MED12L: variants seen among roughly 807,000 people sequenced by gnomAD.
The protein encoded by MED12L is mediator complex subunit 12L, also known as mediator of RNA polymerase II transcription subunit 12-like protein.
In MED12L, 60 loss-of-function variants were observed where a neutral mutation model predicts 281.3. The ratio of observed to expected loss-of-function variants is 0.21; its 90% CI spans 0.17 to 0.26. MED12L has a LOEUF of 0.26. MED12L is among the 10% of genes least tolerant of loss of function. The pLI is 1.00. For synonymous variants in MED12L, 974 were observed against 987.2 expected (o/e 0.99, Z 0.25); for missense variants, 2,146 against 2,680.9 (o/e 0.80, Z 4.41).
At position 151,436,635 on chromosome 3, in the gene MED12L, A is replaced by ACTT; in HGVS notation, c.*3836_*3838dup. On this transcript the variant is annotated 3_prime_UTR_variant, in exon 45 of 45. Transcript: ENST00000687756. ...CATGCCTATGGCTGCCTTTGATTAAACTTCTTCCAAAAAATAAATTCTGCC... is the reference window on the plus strand; with the variant it reads ...CATGCCTATGGCTGCCTTTGATTAAACTTCTTCTTCCAAAAAATAAATTCTGCC... The ACTT allele has an allele frequency of 1.5e-6, 2 of 1,319,082 alleles. No individual in the cohort carries two copies. Among genetic ancestry groups the ACTT allele is most frequent in the Non-Finnish European group, 2.1e-6 (2 of 952,306 alleles). The allele number at this position is 1,319,082 out of a possible 1,614,324, so 81.7% of individuals were successfully genotyped here.
intron 16 of MED12L, among the ~76,000 whole-genome samples, chr3:151,282,007 C>T (rs149244948): frequency 2.6e-5 from 4 of 152,298 alleles, no homozygotes; most frequent in Non-Finnish European, 4.4e-5. Flanking sequence ...CTCCTTACCC[C>T]GGAATTCACC....
chr3:151,206,684 A>G (rs1210376534), intron 16 of MED12L, among the ~76,000 whole-genome samples: 3 of 100,796 alleles, frequency 3.0e-5, no homozygotes, highest in African/African-American at 1.2e-4. Context: ...TTGCTCTGTC[A>G]CCCAGGCTGG....
At chr3:151,287,526 G>A (rs1331598063) in intron 16 of MED12L, among the ~76,000 whole-genome samples, 2 of 152,112 alleles carry the variant, frequency 1.3e-5, no homozygotes, top group African/African-American at 4.8e-5. Context: ...AAGGGTAAGC[G>A]GCCTCCTTGG....
Position 151,277,961 on chromosome 3 carries a change from G to A in MED12L, c.2251-72098G>A, listed in dbSNP as rs1054294320. Among the ~76,000 whole-genome samples the A allele has an allele frequency of 3.9e-5, 6 of 152,198 alleles. No homozygotes were observed. The East Asian group carries it at 5.8e-4, about 15-fold the overall frequency. On this transcript the variant is annotated intron_variant, in intron 16 of 44. Coordinates refer to ENST00000687756, the MANE Select transcript of MED12L (RefSeq NM_001393769.1). ...AGAAGCAATTTTAATACACATTTAC[G>A]AGCTTTTGAAATGTTTGTCCTGGAT...
intron 16 of MED12L, among the ~76,000 whole-genome samples, chr3:151,291,161 T>G (rs28575721): frequency 1.3e-3 from 192 of 148,838 alleles, no homozygotes; most frequent in African/African-American, 2.1e-3. Context: ...TTTTTTTTTT[T>G]TTTTGTTTTT....
chr3:151,294,221 T>C, intron 16 of MED12L: 1 of 1,613,418 alleles, frequency 6.2e-7, no homozygotes, highest in Non-Finnish European at 8.5e-7. Context: ...TCTCACACTT[T>C]GCAGTGATCT....
At chr3:151,141,178 G>GTTTTTTTTTTTTT (rs370095367) in intron 5 of MED12L, among the ~76,000 whole-genome samples, 94 of 102,218 alleles carry the variant, frequency 9.2e-4, no homozygotes, top group African/African-American at 3.7e-3. Context: ...TTTTTTTTTT[G>GTTTTTTTTTTTTT]TTTTTTTTGT....
In MED12L at chr3:151,333,550, G is replaced by C. The variant is rs150179499; in HGVS notation, c.2251-16509G>C. 3.3e-3 allele frequency among the ~76,000 whole-genome samples: 507 copies of C among 152,154 alleles called. 14 individuals are homozygous for C. Among genetic ancestry groups the C allele is most frequent in the Admixed American group, 0.031 (475 of 15,280 alleles). On this transcript the variant is annotated intron_variant, in intron 16 of 44. Transcript: ENST00000687756. ...CATAAATTTACCATAGTTAAGCTGC[G>C]ACTGATGGGCATGTAGTTAGTTTAC... is the stretch of plus-strand genomic sequence containing the variant.
At chr3:151,151,597 T>TGGGAAGAGA (rs1210833483) in intron 5 of MED12L, among the ~76,000 whole-genome samples, 1 of 88,406 alleles carries the variant, frequency 1.1e-5, no homozygotes, top group Non-Finnish European at 2.1e-5. Flanking sequence ...GGGTGGGGGG[T>TGGGAAGAGA]GGGAAGAGAG....
At chr3:151,390,233 A>G in intron 38 of MED12L, 98 bp downstream of exon 38, 1 of 1,136,522 alleles carries the variant, frequency 8.8e-7, no homozygotes, top group Non-Finnish European at 1.3e-6. Flanking sequence ...GGACATTTCA[A>G]CCACTGAGTG....
intron 5 of MED12L, among the ~76,000 whole-genome samples, chr3:151,129,212 A>T (rs958457547): frequency 6.6e-6 from 1 of 152,200 alleles, no homozygotes; most frequent in Non-Finnish European, 1.5e-5. Flanking sequence ...GAGTTGGGGT[A>T]TAAAGTGGTG....
At position 151,430,531 on chromosome 3, in the gene MED12L, G is replaced by A; in HGVS notation, c.6490+151G>A. The A allele has an allele frequency of 3.1e-6, 4 of 1,300,912 alleles. No individual in the cohort carries two copies. The South Asian group carries it at 7.9e-5, about 26-fold the overall frequency. The allele number at this position is 1,300,912 out of a possible 1,614,324, so 80.6% of individuals were successfully genotyped here. On this transcript the variant is annotated intron_variant, in intron 44 of 44. Coordinates refer to ENST00000687756, the MANE Select transcript of MED12L (RefSeq NM_001393769.1). ...GTTTAGCCCAAGGTATTTTCATTCT[G>A]TCTTCGTTTGGTTTTGGCTTGAATG...
chr3:151,362,853 T>C (rs900865213), intron 21 of MED12L, among the ~76,000 whole-genome samples: 6 of 152,210 alleles, frequency 3.9e-5, no homozygotes, highest in African/African-American at 1.4e-4. Context: ...TTAGGAAATA[T>C]CTTTCCACAG....
At chr3:151,093,153 A>G (rs1720282607) in intron 2 of MED12L, among the ~76,000 whole-genome samples, 1 of 152,208 alleles carries the variant, frequency 6.6e-6, no homozygotes, top group African/African-American at 2.4e-5. Flanking sequence ...CAAAAAATTC[A>G]GAAAGCCAGG....
chr3:151,087,650 A>G (rs897808230), intron 2 of MED12L, among the ~76,000 whole-genome samples: 1 of 152,194 alleles, frequency 6.6e-6, no homozygotes, highest in Non-Finnish European at 1.5e-5. Context: ...TTGTATACGT[A>G]AAAGCAGGCG....
chr3:151,169,108 TTTTTTTTTTTTTTG>T (rs1721088964), intron 11 of MED12L, among the ~76,000 whole-genome samples: 1 of 143,062 alleles, frequency 7.0e-6, no homozygotes, highest in Admixed American at 7.0e-5. Flanking sequence ...TTTTCTTTGT[TTTTTTTTTTTTTTG>T]TTTTTTTTTT....
Position 151,192,683 on chromosome 3 carries a change from A to T in MED12L, c.2073+29A>T, listed in dbSNP as rs867520247. ...GGTTCAATCTTTGATTCTTATTGACAATTAAGAATTAACCCGTTCCCATCC... is the reference window on the plus strand; with the variant it reads ...GGTTCAATCTTTGATTCTTATTGACTATTAAGAATTAACCCGTTCCCATCC... On this transcript the variant is annotated intron_variant, in intron 15 of 44. Transcript: ENST00000687756. 2.3e-6 allele frequency: 3 copies of T among 1,330,394 alleles called. No homozygotes were observed. The East Asian group carries it at 7.5e-5, about 33-fold the overall frequency. 82.4% of individuals were successfully genotyped at this position (1,330,394 alleles called of 1,614,324 possible).
intron 3 of MED12L, among the ~76,000 whole-genome samples, chr3:151,117,175 CT>C (rs922160260): frequency 8.6e-5 from 13 of 151,320 alleles, no homozygotes; most frequent in African/African-American, 1.2e-4. Context: ...ACTTTGGATT[CT>C]TTTTTTTTCT....
intron 16 of MED12L, among the ~76,000 whole-genome samples, chr3:151,279,693 T>G (rs952095829): frequency 6.6e-6 from 1 of 152,094 alleles, no homozygotes; most frequent in Non-Finnish European, 1.5e-5. Context: ...TAAATAAACT[T>G]AAGGACAAGT....
Sources: allele counts gnomAD v4.1 joint callset (sites outside exome capture counted in the v4.1 genomes callset), GRCh38; gene constraint gnomAD v4.1.1; transcripts MANE v1.5; gene names NCBI Gene and HGNC (gene_info 2026-07-23, HGNC 2026-07-21).